Variants in ATP2B2 observed in about 807,000 individuals in gnomAD.
ATP2B2 encodes the protein ATPase plasma membrane Ca2+ transporting 2, also known as plasma membrane calcium-transporting ATPase 2.
In ATP2B2, 15 loss-of-function variants were observed where a neutral mutation model predicts 120.0. The observed-to-expected ratio is 0.12, with a 90% CI of 0.08 to 0.19. ATP2B2 has a LOEUF of 0.19. Among genes scored for constraint, ATP2B2 ranks in the 10% least tolerant of loss-of-function variants. ATP2B2 has a pLI of 1.00. For synonymous variants in ATP2B2, 694 were observed against 700.3 expected (o/e 0.99, Z 0.14); for missense variants, 1,045 against 1,719.8 (o/e 0.61, Z 6.94).
chr3:10,619,253 C>G lies in ATP2B2; in HGVS notation c.-415+664G>C, dbSNP rs949383374. ...ATGATGGTGAGGGTTTCAGGCTAGC[C>G]CACAGTGGCTCCATCAACCCAAGAC... On this transcript the variant is annotated intron_variant, in intron 2 of 21. Coordinates refer to the ATP2B2 transcript ENST00000646379. 4.6e-5 allele frequency among the ~76,000 whole-genome samples: 7 copies of G among 152,166 alleles called. No individual in the cohort carries two copies. In the East Asian group the frequency reaches 1.4e-3, roughly 29 times the overall value.
chr3:10,598,005 G>A (rs67101933), intron 2 of ATP2B2, among the ~76,000 whole-genome samples: 11,429 of 152,170 alleles, frequency 0.075, 664 homozygotes, highest in East Asian at 0.33. Context: ...TTGGGCTACT[G>A]GGGGGCAGGA....
intron 3 of ATP2B2, among the ~76,000 whole-genome samples, chr3:10,519,944 G>A (rs529261504): frequency 2.0e-5 from 3 of 152,316 alleles, no homozygotes; most frequent in South Asian, 4.1e-4. Flanking sequence ...TCATACAACT[G>A]CTATTGGTGG....
Position 10,449,484 on chromosome 3 carries a change from A to G in ATP2B2, c.60T>C (p.His20=), listed in dbSNP as rs753531894. Residue 20 remains histidine, a synonymous_variant, in exon 2 of 23, where the codon CAT becomes CAC. Transcript: ENST00000360273. ...YSKNQRNESS[H]GGEFGCTMEE... is the part of the protein sequence containing the mutation. ...CCATTGTGCACCCGAACTCGCCCCC[A>G]TGGCTCGACTCATTTCTTTGGTTTT... is the stretch of plus-strand genomic sequence containing the variant. 6 of 1,614,054 alleles carry G rather than the reference A, an allele frequency of 3.7e-6. No individual in the cohort carries two copies. Among genetic ancestry groups the G allele is most frequent in the East Asian group, 2.2e-5 (1 of 44,880 alleles).
chr3:10,621,892 C>G lies in ATP2B2; in HGVS notation c.-459-1931G>C, dbSNP rs368206257. 5.9e-5 allele frequency among the ~76,000 whole-genome samples: 9 copies of G among 152,382 alleles called. No individual in the cohort carries two copies. In the South Asian group the frequency reaches 1.9e-3, roughly 32 times the overall value. On this transcript the variant is annotated intron_variant, in intron 1 of 21. Transcript: ENST00000646379. ...AACTAGCATCGCTGACCAGGCTGTG[C>G]TCCCGGGCTGGCCCTGTGCAGAAGC...
chr3:10,413,536 G>A (rs1171640074), intron 2 of ATP2B2, among the ~76,000 whole-genome samples: 1 of 152,200 alleles, frequency 6.6e-6, no homozygotes, highest in East Asian at 1.9e-4. Context: ...GCAGCTCCTA[G>A]GCCCTGAGAG....
At chr3:10,571,525 T>C (rs1367419322) in intron 2 of ATP2B2, among the ~76,000 whole-genome samples, 2 of 152,196 alleles carry the variant, frequency 1.3e-5, no homozygotes, top group Admixed American at 1.3e-4. Context: ...GAGCAAGGCA[T>C]GGACATGGGC....
chr3:10,562,267 C>G (rs1459329392), intron 2 of ATP2B2, among the ~76,000 whole-genome samples: 1 of 152,118 alleles, frequency 6.6e-6, no homozygotes, highest in African/African-American at 2.4e-5. Context: ...CTCAGGCTGG[C>G]AGGACATCAA....
At chr3:10,374,912 AC>A (rs1272936896) in intron 11 of ATP2B2, among the ~76,000 whole-genome samples, 1 of 152,182 alleles carries the variant, frequency 6.6e-6, no homozygotes, top group Non-Finnish European at 1.5e-5. Flanking sequence ...CTTACCCCTC[AC>A]ACTTCAGGGA....
At chr3:10,369,059 C>A (rs1432079397) in intron 12 of ATP2B2, among the ~76,000 whole-genome samples, 1 of 152,218 alleles carries the variant, frequency 6.6e-6, no homozygotes, top group East Asian at 1.9e-4. Context: ...GGAAATACAG[C>A]ATATGGGAGC....
intron 1 of ATP2B2, among the ~76,000 whole-genome samples, chr3:10,699,540 A>G (rs2071786895): frequency 6.6e-6 from 1 of 152,198 alleles, no homozygotes; most frequent in South Asian, 2.1e-4. Context: ...GTGTTTAATT[A>G]GAGTTTTACT....
At chr3:10,438,202 C>T (rs551126610) in intron 2 of ATP2B2, among the ~76,000 whole-genome samples, 6 of 152,330 alleles carry the variant, frequency 3.9e-5, no homozygotes, top group South Asian at 4.1e-4. Context: ...GAAGGCCCTT[C>T]CAGACCTGTT....
chr3:10,501,427 G>A (rs1386379714), intron 1 of ATP2B2, among the ~76,000 whole-genome samples: 1 of 149,078 alleles, frequency 6.7e-6, no homozygotes, highest in Admixed American at 6.7e-5. Flanking sequence ...CTGGAGTGCA[G>A]TGGCACAATC....
At chr3:10,414,242 G>A (rs1219748155) in intron 2 of ATP2B2, among the ~76,000 whole-genome samples, 2 of 152,178 alleles carry the variant, frequency 1.3e-5, no homozygotes, top group East Asian at 1.9e-4. Flanking sequence ...TGAGTTCTGC[G>A]ATTCAGAAGT....
At chr3:10,422,334 T>G (rs2063008623) in intron 2 of ATP2B2, among the ~76,000 whole-genome samples, 1 of 152,216 alleles carries the variant, frequency 6.6e-6, no homozygotes, top group Admixed American at 6.5e-5. Context: ...GATATCGGTC[T>G]GTATGGGCTG....
intron 1 of ATP2B2, among the ~76,000 whole-genome samples, chr3:10,621,028 G>A (rs942259915): frequency 2.6e-5 from 4 of 152,196 alleles, no homozygotes; most frequent in Non-Finnish European, 5.9e-5. Context: ...CACTGACCAT[G>A]AGATGACACC....
intron 12 of ATP2B2, among the ~76,000 whole-genome samples, chr3:10,360,887 A>G (rs986299335): frequency 2.0e-5 from 3 of 151,902 alleles, no homozygotes; most frequent in African/African-American, 7.3e-5. Flanking sequence ...TCCTTGTACT[A>G]CCCTTTTTTT....
chr3:10,551,272 T>C (rs538789585), intron 2 of ATP2B2, among the ~76,000 whole-genome samples: 17 of 152,116 alleles, frequency 1.1e-4, no homozygotes, highest in African/African-American at 3.1e-4. Context: ...GTGAATTCAG[T>C]GGGGGAAAGA....
chr3:10,460,225 C>T (rs2064431337), intron 1 of ATP2B2, among the ~76,000 whole-genome samples: 1 of 152,200 alleles, frequency 6.6e-6, no homozygotes. Flanking sequence ...GGTTGACTAA[C>T]CTAGGCTGGG....
chr3:10,665,789 G>A (rs543565402), intron 1 of ATP2B2, among the ~76,000 whole-genome samples: 11 of 152,234 alleles, frequency 7.2e-5, no homozygotes, highest in Admixed American at 2.6e-4. Flanking sequence ...AGTCTTGCCC[G>A]CCTCCAGCAG....
Sources: allele counts gnomAD v4.1 joint callset (sites outside exome capture counted in the v4.1 genomes callset), GRCh38; gene constraint gnomAD v4.1.1; transcripts MANE v1.5; gene names NCBI Gene and HGNC (gene_info 2026-07-23, HGNC 2026-07-21).